TBC1D22A: variants seen among roughly 807,000 people sequenced by gnomAD.
TBC1D22A encodes the protein TBC1 domain family member 22A.
In TBC1D22A, 38 loss-of-function variants were observed where a neutral mutation model predicts 60.2. The ratio of observed to expected loss-of-function variants is 0.63; its 90% CI spans 0.49 to 0.83. The LOEUF is 0.83. TBC1D22A is among the 40% of genes least tolerant of loss of function. The probability of loss-of-function intolerance (pLI) is 0.00; values close to 1 mark genes in which losing one functional copy is unlikely to be tolerated. For synonymous variants in TBC1D22A, 302 were observed against 281.7 expected (o/e 1.07, Z -0.72); for missense variants, 628 against 701.0 (o/e 0.90, Z 1.18).
intron 11 of TBC1D22A, among the ~76,000 whole-genome samples, chr22:47,045,840 G>C (rs1176772852): frequency 6.6e-6 from 1 of 152,178 alleles, no homozygotes; most frequent in Non-Finnish European, 1.5e-5. Context: ...GTGGGGCTTG[G>C]TTTTGGTCCC....
rs138225095 is a variant in TBC1D22A at position 46,983,410 on chromosome 22, T to C, written c.1125+9011T>C. Among the ~76,000 whole-genome samples the C allele has an allele frequency of 3.3e-5, 5 of 152,378 alleles. No individual in the cohort carries two copies. The East Asian group carries it at 9.6e-4, about 29-fold the overall frequency. On this transcript the variant is annotated intron_variant, in intron 9 of 12. Transcript: ENST00000337137. The stretch of plus-strand genomic sequence containing the variant: ...TGTGGTAGCTTTGATTGTAAGTACT[T>C]TTAAAAATTCAGATAAGTTTAATTT...
intron 10 of TBC1D22A, among the ~76,000 whole-genome samples, chr22:47,004,464 A>G (rs561388151): frequency 6.7e-6 from 1 of 149,388 alleles, no homozygotes; most frequent in African/African-American, 2.5e-5. Flanking sequence ...CACTCCTGCC[A>G]TATACACATA....
At chr22:46,941,586 T>C (rs62654802) in intron 8 of TBC1D22A, among the ~76,000 whole-genome samples, 2,355 of 140,536 alleles carry the variant, frequency 0.017, 26 homozygotes, top group Non-Finnish European at 0.024. Flanking sequence ...ATACAGGGAA[T>C]ATATATACGG....
At chr22:47,111,448 G>A (rs1352774808) in intron 11 of TBC1D22A, 60 bp from the exon 12 acceptor site, 32 of 1,472,892 alleles carry the variant, frequency 2.2e-5, no homozygotes, top group Admixed American at 1.1e-4. Context: ...AGATAACCTC[G>A]CAGTGATGTT....
chr22:46,863,597 G>T (rs773549263), intron 4 of TBC1D22A, among the ~76,000 whole-genome samples: 16 of 152,098 alleles, frequency 1.1e-4, no homozygotes, highest in Non-Finnish European at 2.2e-4. Flanking sequence ...GCACTTTCTT[G>T]GTCATCGTGC....
At chr22:47,087,116 A>C (rs943789883) in intron 11 of TBC1D22A, among the ~76,000 whole-genome samples, 1 of 152,214 alleles carries the variant, frequency 6.6e-6, no homozygotes, top group Non-Finnish European at 1.5e-5. Context: ...ATATCCCATC[A>C]CTTACCTGTT....
intron 1 of TBC1D22A, among the ~76,000 whole-genome samples, chr22:46,780,191 G>T (rs1391077170): frequency 2.0e-5 from 3 of 152,132 alleles, no homozygotes; most frequent in Non-Finnish European, 4.4e-5. Context: ...CCCCTAAGGG[G>T]GCACTGAATA....
chr22:47,027,924 G>A (rs2062313772), intron 10 of TBC1D22A, among the ~76,000 whole-genome samples: 1 of 152,164 alleles, frequency 6.6e-6, no homozygotes, highest in Non-Finnish European at 1.5e-5. Context: ...GCTTTGAACT[G>A]CGGGTTCCCT....
Position 47,145,491 on chromosome 22 carries a change from G to A in TBC1D22A, c.1426-28007G>A, listed in dbSNP as rs11912497. Among the ~76,000 whole-genome samples, 446 of 152,294 alleles carry A rather than the reference G, an allele frequency of 2.9e-3. 1 individual carries two copies. The highest frequency in any genetic ancestry group is 0.01 in the African/African-American group (419 of 41,554). On this transcript the variant is annotated intron_variant, in intron 12 of 12. Coordinates refer to ENST00000337137, the MANE Select transcript of TBC1D22A (RefSeq NM_014346.5). ...CCCAACTGAGAATCATTGACTGAGGGTCACTAGCCTGAAAGATTGAATTGC... is the reference window on the plus strand; with the variant it reads ...CCCAACTGAGAATCATTGACTGAGGATCACTAGCCTGAAAGATTGAATTGC...
chr22:46,959,583 C>T (rs1421658359), intron 8 of TBC1D22A, among the ~76,000 whole-genome samples: 1 of 152,174 alleles, frequency 6.6e-6, no homozygotes, highest in African/African-American at 2.4e-5. Context: ...GGGAAAGGTC[C>T]ATTTCCTGGT....
chr22:46,851,975 A>C (rs530414568), intron 4 of TBC1D22A, among the ~76,000 whole-genome samples: 2 of 152,340 alleles, frequency 1.3e-5, no homozygotes, highest in South Asian at 4.1e-4. Flanking sequence ...TTTGTTGTGC[A>C]TTTGGGTTTG....
At chr22:46,779,420 G>A (rs1163922060) in intron 1 of TBC1D22A, among the ~76,000 whole-genome samples, 4 of 151,936 alleles carry the variant, frequency 2.6e-5, no homozygotes, top group African/African-American at 9.7e-5. Context: ...CACCACACCT[G>A]GCTAATGTTT....
intron 12 of TBC1D22A, among the ~76,000 whole-genome samples, chr22:47,165,375 C>T (rs907894876): frequency 2.0e-5 from 3 of 152,000 alleles, no homozygotes; most frequent in Non-Finnish European, 4.4e-5. Context: ...AACAACAGGG[C>T]GAGTTTCTGG....
chr22:47,097,969 G>A (rs2065249619), intron 11 of TBC1D22A, among the ~76,000 whole-genome samples: 3 of 152,094 alleles, frequency 2.0e-5, no homozygotes, highest in Admixed American at 2.0e-4. Context: ...CCTGGGAGTG[G>A]TGGGGGCCCC....
intron 8 of TBC1D22A, among the ~76,000 whole-genome samples, chr22:46,952,563 T>C (rs1205112847): frequency 4.6e-5 from 7 of 152,216 alleles, no homozygotes; most frequent in East Asian, 1.9e-4. Context: ...GATGTCGTGC[T>C]CTGAAATGTC....
chr22:46,829,345 T>C (rs1205965606), intron 4 of TBC1D22A, among the ~76,000 whole-genome samples: 1 of 152,168 alleles, frequency 6.6e-6, no homozygotes, highest in African/African-American at 2.4e-5. Flanking sequence ...GTTTGGGATG[T>C]CTTGAAAATG....
At chr22:46,995,378 C>G (rs182076222) in intron 9 of TBC1D22A, among the ~76,000 whole-genome samples, 22 of 152,302 alleles carry the variant, frequency 1.4e-4, no homozygotes, top group African/African-American at 5.3e-4. Flanking sequence ...AGGTCTGACT[C>G]GGCTCATTTT....
intron 4 of TBC1D22A, among the ~76,000 whole-genome samples, chr22:46,857,561 G>T (rs1179212939): frequency 6.6e-6 from 1 of 152,166 alleles, no homozygotes; most frequent in Non-Finnish European, 1.5e-5. Flanking sequence ...TTTTTAGTGT[G>T]TTTGCAGAAT....
intron 5 of TBC1D22A, among the ~76,000 whole-genome samples, chr22:46,887,926 A>G (rs1716059066): frequency 6.6e-6 from 1 of 152,214 alleles, no homozygotes. Flanking sequence ...AAGCTTAAGG[A>G]GGATGGAAGG....
Sources: gnomAD v4.1 joint callset for allele counts (sites outside exome capture counted in the v4.1 genomes callset) on GRCh38, gnomAD v4.1.1 for gene constraint, MANE v1.5 for transcripts, NCBI Gene and HGNC (gene_info 2026-07-23, HGNC 2026-07-21) for gene names.